Variants in H2BK1 observed in about 807,000 individuals in gnomAD.
The protein encoded by H2BK1 is H2B.K variant histone 1.
chr7:151,208,959 C>T, the H2BK1 span, among the ~76,000 whole-genome samples: 1 of 151,744 alleles, frequency 6.6e-6, no homozygotes, highest in African/African-American at 2.4e-5. Context: ...AACCAGGAGG[C>T]TCTGTCCCAC....
chr7:151,208,086 A>G, the H2BK1 span: 7 of 1,613,988 alleles, frequency 4.3e-6, no homozygotes, highest in South Asian at 1.1e-5. Flanking sequence ...GCCTTGGCAG[A>G]GATGCCAATG....
chr7:151,208,044 C>T, the H2BK1 span: 38 of 1,613,938 alleles, frequency 2.4e-5, no homozygotes, highest in African/African-American at 4.0e-5. Flanking sequence ...TGCTCAAACA[C>T]GTCGTTTACA....
chr7:151,208,762 G>A, the H2BK1 span, among the ~76,000 whole-genome samples: 1 of 152,286 alleles, frequency 6.6e-6, no homozygotes, highest in East Asian at 1.9e-4. Context: ...CTCAAATACG[G>A]CCCTTTCCTC....
chr7:151,208,866 T>C, the H2BK1 span, among the ~76,000 whole-genome samples: 1 of 152,156 alleles, frequency 6.6e-6, no homozygotes, highest in Non-Finnish European at 1.5e-5. Context: ...AAAATGTGAG[T>C]AGGTAGACCT....
the H2BK1 span, chr7:151,208,138 G>A: frequency 6.2e-7 from 1 of 1,611,842 alleles, no homozygotes; most frequent in South Asian, 1.1e-5. Context: ...CTCGGTTAAT[G>A]GAAGGGGCCA....
At chr7:151,209,981 C>T in the H2BK1 span, among the ~76,000 whole-genome samples, 11 of 152,282 alleles carry the variant, frequency 7.2e-5, no homozygotes, top group East Asian at 1.9e-4. Flanking sequence ...GCAGGGAGCA[C>T]GCTTTGTCTC....
At chr7:151,208,846 T>C in the H2BK1 span, among the ~76,000 whole-genome samples, 2 of 152,196 alleles carry the variant, frequency 1.3e-5, no homozygotes, top group African/African-American at 4.8e-5. Context: ...TGGGAACTGA[T>C]GGCAGTTCTA....
chr7:151,207,923 T>A, the H2BK1 span: 1 of 1,192,806 alleles, frequency 8.4e-7, no homozygotes, highest in East Asian at 2.3e-5. Flanking sequence ...AGACACAGCG[T>A]GCTTGGCCAG....
chr7:151,209,150 G>C, the H2BK1 span, among the ~76,000 whole-genome samples: 1 of 151,826 alleles, frequency 6.6e-6, no homozygotes, highest in Non-Finnish European at 1.5e-5. Flanking sequence ...TACAGGCCTT[G>C]TCCCACCCAT....
chr7:151,208,216 C>A, the H2BK1 span: 7 of 1,108,440 alleles, frequency 6.3e-6, no homozygotes, highest in African/African-American at 9.3e-5. Flanking sequence ...AAGCCAGAGG[C>A]AGAAGGCAAG....
chr7:151,210,240 G>A, the H2BK1 span: 10 of 399,100 alleles, frequency 2.5e-5, no homozygotes, highest in South Asian at 2.5e-4. Flanking sequence ...CGCCGACAGC[G>A]CTTTTTGGAC....
the H2BK1 span, chr7:151,208,253 A>C: frequency 1.4e-6 from 1 of 696,482 alleles, no homozygotes; most frequent in Non-Finnish European, 2.5e-6. Flanking sequence ...CCCTTCCCAG[A>C]GGCCAACAGT....
the H2BK1 span, among the ~76,000 whole-genome samples, chr7:151,209,815 ACTC>A: frequency 6.6e-6 from 1 of 151,392 alleles, no homozygotes; most frequent in African/African-American, 2.4e-5. Flanking sequence ...CACCCTGATC[ACTC>A]CTCTTCTCGG....
At chr7:151,209,622 G>A in the H2BK1 span, among the ~76,000 whole-genome samples, 1 of 152,150 alleles carries the variant, frequency 6.6e-6, no homozygotes, top group African/African-American at 2.4e-5. Flanking sequence ...CACACAGGAA[G>A]GATGCTAGGG....
chr7:151,210,415 AGG>A, the H2BK1 span: 44,202 of 253,048 alleles, frequency 0.17, 4,902 homozygotes, highest in East Asian at 0.36. Flanking sequence ...TGCACCTGGG[AGG>A]GGGGGGGGGG....
chr7:151,209,112 G>T, the H2BK1 span, among the ~76,000 whole-genome samples: 1 of 152,060 alleles, frequency 6.6e-6, no homozygotes, highest in Admixed American at 6.6e-5. Flanking sequence ...TTGAGGGGTT[G>T]GCCCTCAGCA....
the H2BK1 span, chr7:151,208,027 C>A: frequency 5.0e-6 from 8 of 1,611,622 alleles, no homozygotes; most frequent in Admixed American, 1.3e-4. Context: ...CAGCCTCACA[C>A]GCCAGCTGCT....
At chr7:151,208,322 AAG>A in the H2BK1 span, among the ~76,000 whole-genome samples, 2 of 152,230 alleles carry the variant, frequency 1.3e-5, no homozygotes, top group African/African-American at 4.8e-5. Context: ...AGTTTTTTAA[AAG>A]AAGTTTTCAA....
the H2BK1 span, among the ~76,000 whole-genome samples, chr7:151,209,710 G>A: frequency 1.2e-3 from 176 of 152,164 alleles, 1 homozygote; most frequent in African/African-American, 4.0e-3. Context: ...AGCCTTTAGG[G>A]GCCTCAAGCT....
Sources: gnomAD v4.1 joint callset for allele counts (sites outside exome capture counted in the v4.1 genomes callset) on GRCh38, gnomAD v4.1.1 for gene constraint, MANE v1.5 for transcripts, NCBI Gene and HGNC (gene_info 2026-07-23, HGNC 2026-07-21) for gene names.